Variants in SBF2 observed in about 807,000 individuals in gnomAD.
The protein encoded by SBF2 is myotubularin-related protein 13.
In SBF2, 112 loss-of-function variants were observed where a neutral mutation model predicts 225.2. The ratio of observed to expected loss-of-function variants is 0.50; its 90% CI spans 0.43 to 0.58. The LOEUF is 0.58. Ranked by LOEUF, SBF2 falls within the 20% of genes least tolerant of loss-of-function variation. The pLI is 0.00. For synonymous variants in SBF2, 763 were observed against 773.3 expected, an observed-to-expected ratio of 0.99 and a Z score of 0.22; for missense variants, 1,996 against 2,206.2, an observed-to-expected ratio of 0.90 and a Z score of 1.91.
chr11:10,085,328 T>C (rs1215528636), intron 2 of SBF2, among the ~76,000 whole-genome samples: 1 of 152,186 alleles, frequency 6.6e-6, no homozygotes, highest in Non-Finnish European at 1.5e-5. Context: ...ATATGTCTTT[T>C]AGCTGTGGTA....
In SBF2 at chr11:9,808,384, G is replaced by A. The variant is rs139559159; in HGVS notation, c.4258-199C>T. The A allele has an allele frequency of 2.1e-4, 127 of 612,846 alleles. No individual in the cohort carries two copies. In the African/African-American group the frequency reaches 2.1e-3, roughly 10 times the overall value. 38.0% of individuals were successfully genotyped at this position (612,846 alleles called of 1,614,324 possible). A position where few individuals can be genotyped will look rare whatever the true frequency, so the allele number is the denominator to read the frequency against. ...AAAAACTAAAGCTCAAATTCATTTT[G>A]GCTACAAGTTTACTTTCAGGGAATT... On this transcript the variant is annotated intron_variant, in intron 31 of 39. Transcript: ENST00000256190.
chr11:10,280,021 C>G (rs1306587901), intron 1 of SBF2, among the ~76,000 whole-genome samples: 1 of 152,190 alleles, frequency 6.6e-6, no homozygotes, highest in African/African-American at 2.4e-5. Flanking sequence ...TGTTTGGCAT[C>G]AGAATTGTTT....
At chr11:9,951,918 AAAT>A (rs1390810476) in intron 16 of SBF2, among the ~76,000 whole-genome samples, 4 of 152,262 alleles carry the variant, frequency 2.6e-5, no homozygotes, top group African/African-American at 9.6e-5. Context: ...TGACAGAAGA[AAAT>A]AATGTCCACA....
chr11:9,925,145 T>C (rs1227984992), intron 16 of SBF2, among the ~76,000 whole-genome samples: 1 of 152,198 alleles, frequency 6.6e-6, no homozygotes, highest in East Asian at 1.9e-4. Flanking sequence ...TGATGTGAGC[T>C]ATATGTGTAA....
chr11:9,780,207 T>C lies in SBF2; in HGVS notation c.*211A>G, dbSNP rs1356862490. ...CCTGTTAGAAAAATTTAGTGCAAGA[T>C]ACAGGGAGTGCATGGGGCTGTTGAC... On this transcript the variant is annotated 3_prime_UTR_variant, in exon 40 of 40. Transcript: ENST00000256190. The C allele has an allele frequency of 1.7e-6, 1 of 598,684 alleles. No homozygotes were observed. The highest frequency in any genetic ancestry group is 3.0e-6 in the Non-Finnish European group (1 of 328,968). 37.1% of individuals were successfully genotyped at this position (598,684 alleles called of 1,614,324 possible). A position where few individuals can be genotyped will look rare whatever the true frequency, so the allele number is the denominator to read the frequency against.
At chr11:10,128,896 CT>C (rs1434195108) in intron 2 of SBF2, among the ~76,000 whole-genome samples, 1 of 152,158 alleles carries the variant, frequency 6.6e-6, no homozygotes, top group Non-Finnish European at 1.5e-5. Context: ...TTTCCCGCTT[CT>C]TTTCTTACCT....
At chr11:10,246,056 C>A (rs548822328) in intron 1 of SBF2, among the ~76,000 whole-genome samples, 1 of 152,034 alleles carries the variant, frequency 6.6e-6, no homozygotes, top group Non-Finnish European at 1.5e-5. Context: ...GATCTATTGT[C>A]CGACATACTG....
intron 6 of SBF2, among the ~76,000 whole-genome samples, chr11:10,009,373 A>G (rs907897596): frequency 6.6e-6 from 1 of 152,038 alleles, no homozygotes; most frequent in Non-Finnish European, 1.5e-5. Flanking sequence ...CCTGTCATCT[A>G]CATTAGGTAT....
chr11:10,083,164 T>C (rs1228979796), intron 2 of SBF2, among the ~76,000 whole-genome samples: 1 of 152,042 alleles, frequency 6.6e-6, no homozygotes, highest in Non-Finnish European at 1.5e-5. Flanking sequence ...GCTCTAGGAA[T>C]ACAGTTAACG....
At chr11:10,209,664 T>C (rs1957865200) in intron 1 of SBF2, among the ~76,000 whole-genome samples, 1 of 152,084 alleles carries the variant, frequency 6.6e-6, no homozygotes, top group Admixed American at 6.5e-5. Flanking sequence ...ATTGGGATTT[T>C]CTATTATTTC....
In SBF2 at chr11:9,908,830, A is replaced by C. The variant is rs563846877; in HGVS notation, c.1861-12819T>G. On this transcript the variant is annotated intron_variant, in intron 16 of 39. Coordinates refer to ENST00000256190, the MANE Select transcript of SBF2 (RefSeq NM_030962.4). ...CTCCCAAGCAGCTGGGACTACAGGC[A>C]TGTGCCACTGCGCATGGCTAATTTT... Among the ~76,000 whole-genome samples the C allele has an allele frequency of 1.4e-3, 205 of 149,488 alleles. 1 individual carries two copies. The highest frequency in any genetic ancestry group is 4.8e-3 in the African/African-American group (193 of 40,522).
chr11:9,928,124 A>G (rs917200872), intron 16 of SBF2, among the ~76,000 whole-genome samples: 1 of 152,176 alleles, frequency 6.6e-6, no homozygotes, highest in Non-Finnish European at 1.5e-5. Flanking sequence ...ACTTTATCAA[A>G]ATAAAAAGCT....
At chr11:10,002,169 A>G (rs1232862288) in intron 7 of SBF2, among the ~76,000 whole-genome samples, 3 of 152,140 alleles carry the variant, frequency 2.0e-5, no homozygotes, top group East Asian at 3.8e-4. Context: ...CAGATGTCAT[A>G]TTGTTTACCC....
At chr11:10,185,618 CTT>C (rs202109502) in intron 2 of SBF2, among the ~76,000 whole-genome samples, 20 of 137,058 alleles carry the variant, frequency 1.5e-4, no homozygotes, top group South Asian at 2.4e-4. Flanking sequence ...CTGTGCTTGG[CTT>C]TTTTTTTTTT....
intron 14 of SBF2, among the ~76,000 whole-genome samples, chr11:9,965,293 T>C (rs1037247144): frequency 2.0e-5 from 3 of 150,478 alleles, no homozygotes; most frequent in Admixed American, 6.6e-5. Context: ...AATAATGTTT[T>C]AAACTTTTTT....
In SBF2 at chr11:9,856,465, T is replaced by G; in HGVS notation, c.2356A>C (p.Thr786Pro). ...DWESGSNSIV[T>P]NSIAGSVAES... is the part of the protein sequence containing the mutation. ...GTGTTCACATTTTGGTACCTGTTTGTGACAATGCTGTTGCTTCCGCTCTCC... is the reference window on the plus strand; with the variant it reads ...GTGTTCACATTTTGGTACCTGTTTGGGACAATGCTGTTGCTTCCGCTCTCC... Residue 786 changes from threonine (T) to proline (P), a missense_variant, in exon 19 of 40, where the codon ACA becomes CCA. Coordinates refer to ENST00000256190, the MANE Select transcript of SBF2 (RefSeq NM_030962.4). 1 of 1,613,858 alleles carries G rather than the reference T, an allele frequency of 6.2e-7. No homozygotes were observed. Among genetic ancestry groups the G allele is most frequent in the Non-Finnish European group, 8.5e-7 (1 of 1,180,038 alleles).
At chr11:10,093,715 G>C (rs1951882614) in intron 2 of SBF2, among the ~76,000 whole-genome samples, 1 of 152,110 alleles carries the variant, frequency 6.6e-6, no homozygotes, top group South Asian at 2.1e-4. Flanking sequence ...AACTTTTAAA[G>C]TACATTCTCT....
At chr11:9,856,765 G>A (rs1232366470) in intron 18 of SBF2, 45 bp from the exon 19 acceptor site, 12 of 1,570,624 alleles carry the variant, frequency 7.6e-6, no homozygotes, top group Non-Finnish European at 1.0e-5. Context: ...CATCACTTCA[G>A]GTGAGCTTAA....
chr11:10,229,691 T>C (rs1958742354), intron 1 of SBF2, among the ~76,000 whole-genome samples: 1 of 152,218 alleles, frequency 6.6e-6, no homozygotes, highest in Admixed American at 6.5e-5. Flanking sequence ...TTTCTGATAA[T>C]TTCTGTTCTT....
Sources: allele counts gnomAD v4.1 joint callset (sites outside exome capture counted in the v4.1 genomes callset), GRCh38; gene constraint gnomAD v4.1.1; transcripts MANE v1.5; gene names NCBI Gene and HGNC (gene_info 2026-07-23, HGNC 2026-07-21).